MIDEAS: variants seen among roughly 807,000 people sequenced by gnomAD.
MIDEAS encodes mitotic deacetylase-associated SANT domain protein.
MIDEAS carries 26 observed loss-of-function variants against 102.7 expected under a neutral mutation model. The observed-to-expected ratio is 0.25, with a 90% confidence interval of 0.19 to 0.35. The LOEUF is 0.35. Among genes scored for constraint, MIDEAS ranks in the 10% least tolerant of loss-of-function variants. MIDEAS has a pLI of 1.00. For missense variants in MIDEAS, 1,231 were observed against 1,435.6 expected (o/e 0.86, Z 2.30); for synonymous variants, 585 against 591.0 (o/e 0.99, Z 0.15).
chr14:73,721,610 C>T, intron 10 of MIDEAS, 101 bp from the exon 11 acceptor site: 1 of 1,045,274 alleles, frequency 9.6e-7, no homozygotes, highest in South Asian at 1.4e-5. Context: ...CCAGCTAGTC[C>T]TGCTCGCCTG....
Position 73,726,822 on chromosome 14 carries a change from C to T in MIDEAS, c.2305+8G>A. The T allele has an allele frequency of 6.2e-7, 1 of 1,607,866 alleles. No individual in the cohort carries two copies. The highest frequency in any genetic ancestry group is 8.5e-7 in the Non-Finnish European group (1 of 1,175,392). On this transcript the variant is annotated splice_region_variant and intron_variant, in intron 6 of 12. Coordinates refer to ENST00000423556, the MANE Select transcript of MIDEAS (RefSeq NM_001367710.1). ...GCCCTCACTTGCTGCCCCCAGGCCC[C>T]TCCTCACCTTGCCTCTGCTTCTCCC... is the stretch of plus-strand genomic sequence containing the variant.
At chr14:73,731,791 A>G (rs965649628) in intron 3 of MIDEAS, among the ~76,000 whole-genome samples, 5 of 152,270 alleles carry the variant, frequency 3.3e-5, no homozygotes, top group African/African-American at 1.2e-4. Context: ...AAGATTGGCT[A>G]TGTTTTGATA....
At chr14:73,738,135 C>T (rs1036386894) in intron 2 of MIDEAS, among the ~76,000 whole-genome samples, 1 of 152,170 alleles carries the variant, frequency 6.6e-6, no homozygotes. Context: ...CGGTGGCTCA[C>T]GCCTGTAATC....
chr14:73,738,405 T>C (rs903267852), intron 2 of MIDEAS, among the ~76,000 whole-genome samples, 155 bp downstream of exon 2: 1 of 152,220 alleles, frequency 6.6e-6, no homozygotes, highest in Non-Finnish European at 1.5e-5. Context: ...AAGAACCCTG[T>C]GGCAAGGTGA....
intron 3 of MIDEAS, 97 bp from the exon 4 acceptor site, chr14:73,730,082 G>A: frequency 7.8e-7 from 1 of 1,276,050 alleles, no homozygotes; most frequent in Non-Finnish European, 1.1e-6. Context: ...TTGGAACTTA[G>A]TCTGCCTACC....
rs1190096401 is a variant in MIDEAS at position 73,739,431 on chromosome 14, C to T, written c.578G>A (p.Arg193Gln). ...GAAAGAATTCAGGGGTGCCTGGGGC[C>T]GCCCTACCTCCAGCTGCACCTTCTG... ...MPQKVQLEVGRPQAPLNSFHA... is the reference protein window; with the variant it reads ...MPQKVQLEVGQPQAPLNSFHA... Residue 193 changes from arginine (R) to glutamine (Q), a missense_variant, in exon 2 of 13, where the codon CGG (arginine) becomes CAG (glutamine). Coordinates refer to ENST00000423556, the MANE Select transcript of MIDEAS (RefSeq NM_001367710.1). 16 of 1,585,180 alleles carry T rather than the reference C, an allele frequency of 1.0e-5. 1 individual carries two copies. Among genetic ancestry groups the T allele is most frequent in the African/African-American group, 2.7e-5 (2 of 74,446 alleles).
chr14:73,757,226 C>T (rs537546791), intron 1 of MIDEAS, among the ~76,000 whole-genome samples: 5 of 142,042 alleles, frequency 3.5e-5, no homozygotes, highest in South Asian at 2.3e-4. Context: ...GACCTGAGAT[C>T]GCACTACTGC....
chr14:73,783,718 T>G (rs1185324758), intron 1 of MIDEAS, among the ~76,000 whole-genome samples: 1 of 152,052 alleles, frequency 6.6e-6, no homozygotes, highest in Non-Finnish European at 1.5e-5. Context: ...AAGAAGAAGG[T>G]TTAAGGGGCT....
chr14:73,733,664 T>G (rs1368175505), intron 3 of MIDEAS, among the ~76,000 whole-genome samples: 1 of 152,212 alleles, frequency 6.6e-6, no homozygotes, highest in Non-Finnish European at 1.5e-5. Context: ...CTAAAAGTAC[T>G]AACAGATTTC....
chr14:73,735,305 G>C (rs1281668544), intron 3 of MIDEAS, among the ~76,000 whole-genome samples: 3 of 152,150 alleles, frequency 2.0e-5, no homozygotes, highest in African/African-American at 7.2e-5. Context: ...ATGTTAATTA[G>C]CTTGATTATA....
chr14:73,775,241 A>T (rs909163511), intron 1 of MIDEAS, among the ~76,000 whole-genome samples: 12 of 152,026 alleles, frequency 7.9e-5, no homozygotes, highest in Admixed American at 4.6e-4. Context: ...AAGGTGGGCC[A>T]GGGCTCAAAC....
At chr14:73,719,251 C>T in intron 12 of MIDEAS, 54 bp downstream of exon 12, 1 of 1,559,436 alleles carries the variant, frequency 6.4e-7, no homozygotes, top group Non-Finnish European at 8.7e-7. Context: ...ACCCCCGCCC[C>T]CTCCGCGCAC....
At chr14:73,764,515 C>G (rs1299091045), upstream of MIDEAS, among the ~76,000 whole-genome samples, 1 of 152,146 alleles carries the variant, frequency 6.6e-6, no homozygotes, top group Non-Finnish European at 1.5e-5. Flanking sequence ...TCTCTCCCAG[C>G]CTGTTCTTTG....
upstream of MIDEAS, chr14:73,787,406 G>A (rs1380900827): frequency 2.6e-5 from 4 of 152,086 alleles, no homozygotes; most frequent in Admixed American, 2.0e-4. Context: ...CGGCCGCCTA[G>A]CCTGCACCCC....
chr14:73,738,866 G>A lies in MIDEAS; in HGVS notation c.1143C>T (p.Pro381=). Residue 381 remains proline (P), a synonymous_variant, in exon 2 of 13, where the codon CCC becomes CCT. Transcript: ENST00000423556. ...ATGNLFLHHW[P]LQQPPPGSLG... is the part of the protein sequence containing the mutation. ...GGGAGCCAGGTGGCGGCTGCTGCAG[G>A]GGCCAGTGATGTAGGAACAGGTTGC... 1 of 1,567,716 alleles carries A rather than the reference G, an allele frequency of 6.4e-7. No individual in the cohort carries two copies. Among genetic ancestry groups the A allele is most frequent in the Non-Finnish European group, 8.6e-7 (1 of 1,156,970 alleles).
intron 1 of MIDEAS, chr14:73,758,843 G>C (rs1004339924): frequency 6.5e-6 from 1 of 154,492 alleles, no homozygotes; most frequent in Non-Finnish European, 1.5e-5. Flanking sequence ...AAGGCCCCAG[G>C]GCACACGAAG....
Position 73,753,152 on chromosome 14 carries a change from A to G in MIDEAS, c.-248+6611T>C, listed in dbSNP as rs113361669. 6.0e-3 allele frequency among the ~76,000 whole-genome samples: 909 copies of G among 152,308 alleles called. 7 individuals are homozygous for G. Among genetic ancestry groups the G allele is most frequent in the African/African-American group, 0.018 (746 of 41,566 alleles). On this transcript the variant is annotated intron_variant, in intron 1 of 12. Coordinates refer to ENST00000423556, the MANE Select transcript of MIDEAS (RefSeq NM_001367710.1). ...GCATGTGCCTGGCCGAGCAGTCCCC[A>G]GGCCCACAGCTGAGTCCTCCACAGA...
rs536393880 is a variant in MIDEAS at position 73,778,830 on chromosome 14, G to A, written c.-248+8272C>T. Among the ~76,000 whole-genome samples the A allele has an allele frequency of 3.0e-4, 45 of 151,972 alleles. 1 individual carries two copies. Among genetic ancestry groups the A allele is most frequent in the Non-Finnish European group, 5.6e-4 (38 of 67,956 alleles). On this transcript the variant is annotated intron_variant, in intron 1 of 11. Transcript: ENST00000394071. ...AACTGCAGTTTAAAACCTACTCCAT[G>A]GATCTCCTCTCCATCGCACTCTGCC...
At chr14:73,784,065 C>T (rs998667201) in intron 1 of MIDEAS, among the ~76,000 whole-genome samples, 2 of 152,182 alleles carry the variant, frequency 1.3e-5, no homozygotes, top group Non-Finnish European at 1.5e-5. Context: ...TCGGGGTTTC[C>T]GCCAGAGTTG....
Sources: allele counts gnomAD v4.1 joint callset (sites outside exome capture counted in the v4.1 genomes callset), GRCh38; gene constraint gnomAD v4.1.1; transcripts MANE v1.5; gene names NCBI Gene and HGNC (gene_info 2026-07-23, HGNC 2026-07-21).